The following MACROD2 variants were observed in gnomAD, a reference collection of about 807,000 sequenced individuals.
MACROD2 encodes the protein ADP-ribose glycohydrolase MACROD2.
A neutral mutation model predicts 70.4 loss-of-function variants in MACROD2; 36 were observed. The observed-to-expected ratio is 0.51, with a 90% CI of 0.39 to 0.68. MACROD2 has a LOEUF of 0.68. Ranked by LOEUF, MACROD2 falls within the 30% of genes least tolerant of loss-of-function variation. The pLI is 0.00. For synonymous variants in MACROD2, 172 were observed against 178.8 expected, an observed-to-expected ratio of 0.96 and a Z score of 0.30; for missense variants, 496 against 538.4, an observed-to-expected ratio of 0.92 and a Z score of 0.78.
At chr20:14,615,058 A>C (rs1350768676) in intron 4 of MACROD2, among the ~76,000 whole-genome samples, 1 of 152,074 alleles carries the variant, frequency 6.6e-6, no homozygotes, top group Non-Finnish European at 1.5e-5. Context: ...CAGGGAAAGA[A>C]GTTAGGTTTT....
chr20:14,020,987 C>CTTTTT (rs1163077387), intron 2 of MACROD2, among the ~76,000 whole-genome samples: 18 of 111,536 alleles, frequency 1.6e-4, no homozygotes, highest in South Asian at 5.8e-4. Flanking sequence ...TTTGAATATT[C>CTTTTT]TTTTTTTTTT....
intron 7 of MACROD2, among the ~76,000 whole-genome samples, chr20:15,467,195 G>A (rs78870067): frequency 0.012 from 1,755 of 152,348 alleles, 30 homozygotes; most frequent in African/African-American, 0.04. Context: ...AGATCCACGA[G>A]TGATGGGATT....
intron 4 of MACROD2, among the ~76,000 whole-genome samples, chr20:14,620,105 A>G (rs965560916): frequency 6.6e-6 from 1 of 152,132 alleles, no homozygotes; most frequent in African/African-American, 2.4e-5. Flanking sequence ...ATTCCCGTCT[A>G]TTCTGGTTCT....
At position 15,312,522 on chromosome 20, in the gene MACROD2, C is replaced by T. The variant is rs530802174; in HGVS notation, c.540+82461C>T. 4.3e-4 allele frequency among the ~76,000 whole-genome samples: 65 copies of T among 151,934 alleles called. 1 individual carries two copies. In the South Asian group the frequency reaches 0.012, roughly 27 times the overall value. ...TTTAGTACTATGTATGCTTTTTCTACGTTTGTGTATGTTGGAAGTGTCCTA... is the reference window on the plus strand; with the variant it reads ...TTTAGTACTATGTATGCTTTTTCTATGTTTGTGTATGTTGGAAGTGTCCTA... On this transcript the variant is annotated intron_variant, in intron 6 of 17. Transcript: ENST00000684519.
intron 6 of MACROD2, among the ~76,000 whole-genome samples, chr20:15,387,977 C>T (rs1418764073): frequency 6.6e-6 from 1 of 151,932 alleles, no homozygotes; most frequent in Admixed American, 6.6e-5. Flanking sequence ...TCTTGAACTC[C>T]TGGGCTCAAG....
chr20:15,854,619 G>T (rs540620210), intron 8 of MACROD2, among the ~76,000 whole-genome samples: 1 of 152,154 alleles, frequency 6.6e-6, no homozygotes, highest in Non-Finnish European at 1.5e-5. Flanking sequence ...TTAATTCTGC[G>T]GTGATTTGTC....
chr20:15,930,244 G>C (rs979643661), intron 10 of MACROD2, among the ~76,000 whole-genome samples: 4 of 152,154 alleles, frequency 2.6e-5, no homozygotes, highest in African/African-American at 9.7e-5. Context: ...AGACAAGGCT[G>C]ATAAAAAAGA....
intron 5 of MACROD2, among the ~76,000 whole-genome samples, chr20:14,769,681 C>T (rs2072139708): frequency 6.6e-6 from 1 of 152,074 alleles, no homozygotes; most frequent in African/African-American, 2.4e-5. Flanking sequence ...CATTTTGGTG[C>T]AACCTTACAT....
At chr20:15,383,250 A>G (rs2045668492) in intron 6 of MACROD2, among the ~76,000 whole-genome samples, 1 of 152,224 alleles carries the variant, frequency 6.6e-6, no homozygotes, top group Non-Finnish European at 1.5e-5. Flanking sequence ...AAACATGTTT[A>G]AGGATATAAT....
intron 15 of MACROD2, among the ~76,000 whole-genome samples, chr20:15,994,956 A>T (rs1036233699): frequency 6.6e-6 from 1 of 152,202 alleles, no homozygotes; most frequent in Non-Finnish European, 1.5e-5. Flanking sequence ...AGTGTACTTT[A>T]TATTAGGAAA....
intron 4 of MACROD2, among the ~76,000 whole-genome samples, chr20:14,498,482 A>G (rs553846328): frequency 6.6e-6 from 1 of 152,330 alleles, no homozygotes; most frequent in African/African-American, 2.4e-5. Flanking sequence ...GGCAGTAAAC[A>G]CAGCCTTTTC....
chr20:14,794,298 C>CA (rs2072486053), intron 5 of MACROD2, among the ~76,000 whole-genome samples: 1 of 152,130 alleles, frequency 6.6e-6, no homozygotes, highest in Non-Finnish European at 1.5e-5. Context: ...TTCCTACTTA[C>CA]TATGTCACCA....
chr20:14,912,189 G>A lies in MACROD2; in HGVS notation c.418+227230G>A, dbSNP rs373640962. On this transcript the variant is annotated intron_variant, in intron 5 of 17. Transcript: ENST00000684519. ...CTGTCTGTCTTAAGAAGGAGGGAGA[G>A]TAGCAGCTTTCTGCCGTTATCTCTA... 6.4e-4 allele frequency among the ~76,000 whole-genome samples: 97 copies of A among 152,282 alleles called. 1 individual carries two copies. The highest frequency in any genetic ancestry group is 2.0e-3 in the African/African-American group (82 of 41,566).
chr20:14,375,919 C>T (rs186063567), intron 3 of MACROD2, among the ~76,000 whole-genome samples: 8 of 152,242 alleles, frequency 5.3e-5, no homozygotes, highest in Non-Finnish European at 1.5e-5. Flanking sequence ...AGCTACACCA[C>T]TGAAATGCTG....
At chr20:14,274,683 A>G (rs1186715990) in intron 3 of MACROD2, among the ~76,000 whole-genome samples, 2 of 152,164 alleles carry the variant, frequency 1.3e-5, no homozygotes, top group South Asian at 2.1e-4. Flanking sequence ...AGTGTATTCA[A>G]TTAGGAAAAG....
intron 3 of MACROD2, among the ~76,000 whole-genome samples, chr20:14,444,142 T>A (rs1258851398): frequency 6.6e-6 from 1 of 152,100 alleles, no homozygotes; most frequent in Non-Finnish European, 1.5e-5. Context: ...TATCAGGGGA[T>A]ACAGTAAATT....
At position 14,440,042 on chromosome 20, in the gene MACROD2, A is replaced by T. The variant is rs147944784; in HGVS notation, c.272-53437A>T. Reference sequence around the variant, plus strand: ...CTGAGATCACTGGCAGACTTCCCACACTCAGAGATTTGAACCTTATTCTAT... The same window carrying T: ...CTGAGATCACTGGCAGACTTCCCACTCTCAGAGATTTGAACCTTATTCTAT... On this transcript the variant is annotated intron_variant, in intron 3 of 17. Transcript: ENST00000684519. Among the ~76,000 whole-genome samples, 18 of 152,232 alleles carry T rather than the reference A, an allele frequency of 1.2e-4. No individual in the cohort carries two copies. In the East Asian group the frequency reaches 2.7e-3, roughly 23 times the overall value.
At chr20:15,153,849 T>C (rs1339214056) in intron 5 of MACROD2, among the ~76,000 whole-genome samples, 1 of 152,184 alleles carries the variant, frequency 6.6e-6, no homozygotes, top group Non-Finnish European at 1.5e-5. Context: ...TGTGTTCAGT[T>C]TGTGGAAACC....
chr20:14,109,890 A>T (rs1462866523), intron 3 of MACROD2, among the ~76,000 whole-genome samples: 1 of 151,890 alleles, frequency 6.6e-6, no homozygotes, highest in Admixed American at 6.6e-5. Flanking sequence ...TATTACCCTG[A>T]TACCAAAATG....
Sources: allele counts gnomAD v4.1 joint callset (sites outside exome capture counted in the v4.1 genomes callset), GRCh38; gene constraint gnomAD v4.1.1; transcripts MANE v1.5; gene names NCBI Gene and HGNC (gene_info 2026-07-23, HGNC 2026-07-21).